RAB18: variants seen among roughly 807,000 people sequenced by gnomAD.
RAB18 encodes the protein ras-related protein Rab-18.
RAB18 carries 10 observed loss-of-function variants against 28.5 expected under a neutral mutation model. The observed-to-expected ratio is 0.35, with a 90% CI of 0.22 to 0.60. The LOEUF is 0.60. RAB18 is among the 20% of genes least tolerant of loss of function. RAB18 has a pLI of 0.78. For synonymous variants in RAB18, 93 were observed against 86.9 expected (o/e 1.07, Z -0.39); for missense variants, 188 against 244.2 (o/e 0.77, Z 1.53).
chr10:27,509,381 T>C (rs2138969550), intron 1 of RAB18, among the ~76,000 whole-genome samples: 1 of 152,318 alleles, frequency 6.6e-6, no homozygotes, highest in South Asian at 2.1e-4. Flanking sequence ...TTCTCTTAGG[T>C]AGTAGCCGTA....
At chr10:27,513,818 A>G (rs1440004661) in intron 2 of RAB18, 1 of 152,244 alleles carries the variant, frequency 6.6e-6, no homozygotes, top group Non-Finnish European at 1.5e-5. Context: ...CCCCTTGTTT[A>G]CAAAAGTGAA....
At position 27,538,281 on chromosome 10, in the gene RAB18, T is replaced by G. The variant is rs753028875; in HGVS notation, c.*230T>G. On this transcript the variant is annotated 3_prime_UTR_variant, in exon 7 of 7. Transcript: ENST00000356940. ...TTATGTAGCACAAAATAGGTGTACC[T>G]TTATAAGTACATTCAATTTTATGAT... 3.1e-6 allele frequency: 2 copies of G among 647,876 alleles called. No individual in the cohort carries two copies. The highest frequency in any genetic ancestry group is 1.8e-5 in the African/African-American group (1 of 56,064). 40.1% of individuals were successfully genotyped at this position (647,876 alleles called of 1,614,324 possible). A position where few individuals can be genotyped will look rare whatever the true frequency, so the allele number is the denominator to read the frequency against.
Position 27,538,000 on chromosome 10 carries a change from GGAA to G in RAB18, c.575_577del (p.Glu192del). 1 of 1,614,114 alleles carries G rather than the reference GGAA, an allele frequency of 6.2e-7. No homozygotes were observed. Among genetic ancestry groups the G allele is most frequent in the Non-Finnish European group, 8.5e-7 (1 of 1,179,998 alleles). Reference sequence around the variant, plus strand: ...ATAAAGGAGTCAAACTGTCACACAGGGAAGAAGGCCAAGGAGGAGGAGCCTGTG... The same window carrying G: ...ATAAAGGAGTCAAACTGTCACACAGGGAAGGCCAAGGAGGAGGAGCCTGTG... On this transcript the variant is annotated inframe_deletion, in exon 7 of 7. Coordinates refer to ENST00000356940, the MANE Select transcript of RAB18 (RefSeq NM_021252.5).
At chr10:27,510,087 A>G (rs1834296628) in intron 2 of RAB18, 157 bp downstream of exon 2, 1 of 670,376 alleles carries the variant, frequency 1.5e-6, no homozygotes, top group Admixed American at 2.4e-5. Context: ...GTATCATTAA[A>G]TCTTTGAAGC....
intron 3 of RAB18, among the ~76,000 whole-genome samples, chr10:27,529,192 T>C (rs917399482): frequency 3.3e-5 from 5 of 151,982 alleles, no homozygotes; most frequent in Admixed American, 2.6e-4. Flanking sequence ...TTTTCCAGTT[T>C]GTCATTTACC....
rs1311292761 is a variant in RAB18, at chr10:27,541,837, C to G, written c.*3786C>G. ...TCTCCCACCATACCACCCCCACCCC[C>G]ACCCCTGCAAACAATTGGCATGTGG... On this transcript the variant is annotated 3_prime_UTR_variant, in exon 7 of 7. Transcript: ENST00000356940. 2.7e-6 allele frequency: 1 copy of G among 371,678 alleles called. No individual in the cohort carries two copies. The highest frequency in any genetic ancestry group is 5.3e-6 in the Non-Finnish European group (1 of 187,264). The allele number at this position is 371,678 out of a possible 1,614,324, so 23.0% of individuals were successfully genotyped here. A position where few individuals can be genotyped will look rare whatever the true frequency, so the allele number is the denominator to read the frequency against.
chr10:27,530,157 A>T (rs1328625925), intron 3 of RAB18, among the ~76,000 whole-genome samples: 1 of 152,036 alleles, frequency 6.6e-6, no homozygotes, highest in Non-Finnish European at 1.5e-5. Context: ...GAAGTTATGG[A>T]TACAGTTTCC....
At chr10:27,527,022 G>A in intron 3 of RAB18, 133 bp downstream of exon 3, 1 of 983,070 alleles carries the variant, frequency 1.0e-6, no homozygotes. Context: ...ATTTGATACT[G>A]ATTAAAGGAT....
chr10:27,504,706 G>A (rs1837767053), intron 1 of RAB18: 1 of 688,948 alleles, frequency 1.5e-6, no homozygotes, highest in African/African-American at 1.8e-5. Context: ...CATTCCGAGG[G>A]CCGCCGCTCG....
chr10:27,522,345 A>G lies in RAB18; in HGVS notation c.125-4483A>G, dbSNP rs80164742. 9.3e-3 allele frequency among the ~76,000 whole-genome samples: 1,415 copies of G among 152,204 alleles called. 87 individuals are homozygous for G. The highest frequency in any genetic ancestry group is 0.079 in the Admixed American group (1,205 of 15,274). On this transcript the variant is annotated intron_variant, in intron 2 of 6. Transcript: ENST00000356940. ...CCTAACAGTTTTTGACTTAAAGTCTATTTTGTCTGATTTTAGAATAATTAC... is the reference window on the plus strand; with the variant it reads ...CCTAACAGTTTTTGACTTAAAGTCTGTTTTGTCTGATTTTAGAATAATTAC...
chr10:27,510,480 A>T (rs1834303516), intron 2 of RAB18: 1 of 164,420 alleles, frequency 6.1e-6, no homozygotes, highest in Non-Finnish European at 1.3e-5. Context: ...ATCGCCTGAA[A>T]GTGGTTAGTC....
chr10:27,527,017 A>G (rs772923581), intron 3 of RAB18, 128 bp downstream of exon 3: 10 of 1,023,692 alleles, frequency 9.8e-6, no homozygotes, highest in Non-Finnish European at 1.4e-5. Context: ...GGGAGATTTG[A>G]TACTGATTAA....
chr10:27,541,509 C>G lies in RAB18; in HGVS notation c.*3458C>G. The G allele has an allele frequency of 2.2e-6, 1 of 453,848 alleles. No homozygotes were observed. Among genetic ancestry groups the G allele is most frequent in the Non-Finnish European group, 4.4e-6 (1 of 226,752 alleles). 28.1% of individuals were successfully genotyped at this position (453,848 alleles called of 1,614,324 possible). On this transcript the variant is annotated 3_prime_UTR_variant, in exon 7 of 7. Transcript: ENST00000356940. Reference sequence around the variant, plus strand: ...GTGGTATAAAGTTTGCTTAAGTGCCCCTTAGTTAAAGCTGTTCAATGAATG... The same window carrying G: ...GTGGTATAAAGTTTGCTTAAGTGCCGCTTAGTTAAAGCTGTTCAATGAATG...
chr10:27,539,701 G>T lies in RAB18; in HGVS notation c.*1650G>T. ...TATATAATAATCTGTGTATTGGATT[G>T]TTGTCTTGATTTGGTCTAAATTTGA... On this transcript the variant is annotated 3_prime_UTR_variant, in exon 7 of 7. Transcript: ENST00000356940. The T allele has an allele frequency of 2.2e-6, 1 of 452,852 alleles. No individual in the cohort carries two copies. The highest frequency in any genetic ancestry group is 1.6e-5 in the South Asian group (1 of 64,112). The allele number at this position is 452,852 out of a possible 1,614,324, so 28.1% of individuals were successfully genotyped here.
In RAB18 at chr10:27,538,042, T is replaced by C. The variant is rs1476802621; in HGVS notation, c.612T>C (p.Ser204=). ...GAGGAGCCTGTGGTGGTTATTGCTC[T>C]GTGTTATAAACTCTGGGAAATTCCA... ...QGGGACGGYC[S]VL is the part of the protein sequence containing the mutation. The change falls in exon 7 of 7, where the codon TCT becomes TCC. Residue 204 remains serine (S), a synonymous_variant. Transcript: ENST00000356940. The C allele has an allele frequency of 5.6e-6, 9 of 1,614,162 alleles. No homozygotes were observed. Among genetic ancestry groups the C allele is most frequent in the Non-Finnish European group, 7.6e-6 (9 of 1,179,982 alleles).
intron 2 of RAB18, among the ~76,000 whole-genome samples, chr10:27,520,872 G>A (rs772824418): frequency 1.4e-4 from 16 of 115,524 alleles, no homozygotes; most frequent in African/African-American, 4.8e-4. Flanking sequence ...AGCCGGTATC[G>A]CACCACTGCA....
intron 2 of RAB18, among the ~76,000 whole-genome samples, chr10:27,523,656 A>G (rs1289836025): frequency 7.3e-6 from 1 of 137,162 alleles, no homozygotes; most frequent in Non-Finnish European, 1.5e-5. Context: ...TCTGTTATCC[A>G]GGCTGGGCTG....
intron 2 of RAB18, among the ~76,000 whole-genome samples, chr10:27,526,195 G>A (rs1834668238): frequency 6.6e-6 from 1 of 152,138 alleles, no homozygotes; most frequent in African/African-American, 2.4e-5. Flanking sequence ...TTTCACTTAT[G>A]AAGATTCTTA....
chr10:27,523,611 C>CTTTT (rs775018935), intron 2 of RAB18, among the ~76,000 whole-genome samples: 1 of 131,318 alleles, frequency 7.6e-6, no homozygotes, highest in Non-Finnish European at 1.6e-5. Context: ...CCATTTTTAC[C>CTTTT]TTTTTTTTTT....
Sources: allele counts gnomAD v4.1 joint callset (sites outside exome capture counted in the v4.1 genomes callset), GRCh38; gene constraint gnomAD v4.1.1; transcripts MANE v1.5; gene names NCBI Gene and HGNC (gene_info 2026-07-23, HGNC 2026-07-21).